The following SCAMP1 variants were observed in gnomAD, a reference collection of about 807,000 sequenced individuals.
SCAMP1 encodes the protein secretory carrier-associated membrane protein 1.
SCAMP1 carries 15 observed loss-of-function variants against 41.8 expected under a neutral mutation model. The ratio of observed to expected loss-of-function variants is 0.36; its 90% confidence interval spans 0.24 to 0.55. The LOEUF (loss-of-function observed/expected upper bound fraction) is 0.55, where lower values mean the gene tolerates loss of function less well. SCAMP1 is among the 20% of genes least tolerant of loss of function. The pLI, the probability that SCAMP1 is intolerant of heterozygous loss-of-function variation, is 0.86. For synonymous variants in SCAMP1, 135 were observed against 136.8 expected, an observed-to-expected ratio of 0.99 and a Z score of 0.09; for missense variants, 341 against 412.6, an observed-to-expected ratio of 0.83 and a Z score of 1.50.
At chr5:78,443,271 C>T (rs936162578) in intron 6 of SCAMP1, among the ~76,000 whole-genome samples, 8 of 146,624 alleles carry the variant, frequency 5.5e-5, no homozygotes, top group African/African-American at 2.0e-4. Context: ...AGATAAGTAG[C>T]AGCATTTCTG....
chr5:78,453,058 T>G (rs1418448162), intron 7 of SCAMP1, among the ~76,000 whole-genome samples: 1 of 148,428 alleles, frequency 6.7e-6, no homozygotes, highest in East Asian at 1.9e-4. Flanking sequence ...TAAATTTGTT[T>G]GAGTTCATTG....
At chr5:78,454,735 T>G (rs1753339807) in intron 7 of SCAMP1, among the ~76,000 whole-genome samples, 1 of 152,202 alleles carries the variant, frequency 6.6e-6, no homozygotes, top group Admixed American at 6.5e-5. Context: ...TTTCTATTGA[T>G]TGGAATAGTT....
At chr5:78,470,678 A>C (rs1390805229) in intron 8 of SCAMP1, among the ~76,000 whole-genome samples, 1 of 152,088 alleles carries the variant, frequency 6.6e-6, no homozygotes, top group African/African-American at 2.4e-5. Context: ...ATATATACCC[A>C]ATGTGGAATT....
chr5:78,447,452 C>G (rs1753078950), intron 6 of SCAMP1, among the ~76,000 whole-genome samples: 1 of 151,970 alleles, frequency 6.6e-6, no homozygotes, highest in African/African-American at 2.4e-5. Flanking sequence ...ATAAACCCAG[C>G]CATAGACAGA....
chr5:78,460,113 G>A (rs1035261572), intron 8 of SCAMP1, among the ~76,000 whole-genome samples: 7 of 152,192 alleles, frequency 4.6e-5, no homozygotes, highest in African/African-American at 1.7e-4. Flanking sequence ...GTAGTATTTC[G>A]TGATGTATAT....
At chr5:78,443,561 G>A (rs2112194407) in intron 6 of SCAMP1, among the ~76,000 whole-genome samples, 1 of 150,490 alleles carries the variant, frequency 6.6e-6, no homozygotes, top group South Asian at 2.1e-4. Context: ...TGACCCCTGT[G>A]CTTTTGACAA....
chr5:78,397,062 C>T (rs1217074825), intron 2 of SCAMP1, among the ~76,000 whole-genome samples: 1 of 151,628 alleles, frequency 6.6e-6, no homozygotes, highest in Non-Finnish European at 1.5e-5. Flanking sequence ...GAAATGGGGG[C>T]TGGAAAGGGA....
intron 6 of SCAMP1, among the ~76,000 whole-genome samples, chr5:78,429,263 A>G (rs1489765922): frequency 6.7e-6 from 1 of 149,696 alleles, no homozygotes; most frequent in African/African-American, 2.5e-5. Flanking sequence ...TAAGGATGAT[A>G]TTGACTGTAG....
chr5:78,420,841 A>G (rs1037070855), intron 5 of SCAMP1, among the ~76,000 whole-genome samples: 1 of 152,200 alleles, frequency 6.6e-6, no homozygotes, highest in Admixed American at 6.5e-5. Flanking sequence ...TTGTAAAGAA[A>G]TCTTAAAGTT....
chr5:78,458,991 G>C (rs559264979), intron 7 of SCAMP1, among the ~76,000 whole-genome samples: 105 of 152,218 alleles, frequency 6.9e-4, no homozygotes, highest in Non-Finnish European at 1.2e-3. Flanking sequence ...GTTTGCTTTT[G>C]AATTTAGACT....
At chr5:78,418,091 AT>A (rs951041685) in intron 4 of SCAMP1, among the ~76,000 whole-genome samples, 1 of 151,720 alleles carries the variant, frequency 6.6e-6, no homozygotes, top group Non-Finnish European at 1.5e-5. Context: ...ATGTAGACAC[AT>A]TTTTTTCCCT....
chr5:78,425,417 A>G (rs963915053), intron 6 of SCAMP1, among the ~76,000 whole-genome samples: 2 of 152,098 alleles, frequency 1.3e-5, no homozygotes, highest in African/African-American at 4.8e-5. Flanking sequence ...AATTTTGATA[A>G]TTTTTGCTCA....
intron 1 of SCAMP1, among the ~76,000 whole-genome samples, chr5:78,376,622 G>T (rs550825146): frequency 6.6e-6 from 1 of 152,218 alleles, no homozygotes; most frequent in South Asian, 2.1e-4. Context: ...AATTTCAAAG[G>T]CCTCAAATAT....
At chr5:78,378,192 G>C (rs947962136) in intron 1 of SCAMP1, among the ~76,000 whole-genome samples, 7 of 152,136 alleles carry the variant, frequency 4.6e-5, no homozygotes, top group African/African-American at 1.7e-4. Context: ...CCAAGCCTGT[G>C]TTAGCAGATA....
chr5:78,397,578 A>G (rs1299995603), intron 2 of SCAMP1, among the ~76,000 whole-genome samples: 3 of 152,228 alleles, frequency 2.0e-5, no homozygotes, highest in Non-Finnish European at 4.4e-5. Context: ...CATATTTGAT[A>G]AAAGACTTGT....
rs540332839 is a variant in SCAMP1 at position 78,409,456 on chromosome 5, C to T, written c.136-6064C>T. ...ACACACACACACACACACGCATACACGCTCATCTGTCCCAGAGTGAAAAGT... is the reference window on the plus strand; with the variant it reads ...ACACACACACACACACACGCATACATGCTCATCTGTCCCAGAGTGAAAAGT... On this transcript the variant is annotated intron_variant, in intron 2 of 8. Coordinates refer to ENST00000621999, the MANE Select transcript of SCAMP1 (RefSeq NM_004866.6). Among the ~76,000 whole-genome samples the T allele has an allele frequency of 2.7e-5, 4 of 149,170 alleles. No individual in the cohort carries two copies. In the South Asian group the frequency reaches 8.7e-4, roughly 32 times the overall value.
chr5:78,471,235 C>T (rs556115664), intron 8 of SCAMP1, among the ~76,000 whole-genome samples: 22 of 152,124 alleles, frequency 1.4e-4, no homozygotes, highest in Non-Finnish European at 2.8e-4. Flanking sequence ...AAAGCCATAG[C>T]TAGTTCAGGC....
At position 78,388,249 on chromosome 5, in the gene SCAMP1, G is replaced by A. The variant is rs141166855; in HGVS notation, c.58-588G>A. ...GTGTGATTTGGTTATTTTCATGAAA[G>A]CCTACTATTAAAAGATTTGAAAAAT... On this transcript the variant is annotated intron_variant, in intron 1 of 8. Coordinates refer to ENST00000621999, the MANE Select transcript of SCAMP1 (RefSeq NM_004866.6). Among the ~76,000 whole-genome samples, 169 of 152,308 alleles carry A rather than the reference G, an allele frequency of 1.1e-3. 3 individuals are homozygous for A. Among genetic ancestry groups the A allele is most frequent in the African/African-American group, 3.9e-3 (164 of 41,560 alleles).
At chr5:78,360,807 T>C (rs1178450564) in intron 1 of SCAMP1, 79 bp downstream of exon 1, 1 of 1,392,468 alleles carries the variant, frequency 7.2e-7, no homozygotes, top group Non-Finnish European at 9.9e-7. Context: ...TCGCGCCCAC[T>C]GCGTCTGCCC....
Sources: allele counts gnomAD v4.1 joint callset (sites outside exome capture counted in the v4.1 genomes callset), GRCh38; gene constraint gnomAD v4.1.1; transcripts MANE v1.5; gene names NCBI Gene and HGNC (gene_info 2026-07-23, HGNC 2026-07-21).